Variants in NLGN4X observed in about 807,000 individuals in gnomAD.
NLGN4X encodes neuroligin 4 X-linked.
NLGN4X carries 3 observed loss-of-function variants against 40.3 expected under a neutral mutation model. That is an observed-to-expected ratio of 0.07 (90% CI 0.03 to 0.19). The LOEUF is 0.19. NLGN4X is among the 10% of genes least tolerant of loss of function. The pLI is 1.00. For missense variants in NLGN4X, 382 were observed against 708.3 expected (o/e 0.54, Z 5.23); for synonymous variants, 270 against 306.8 (o/e 0.88, Z 1.25).
At chrX:6,000,426 T>C (rs1254655447) in intron 3 of NLGN4X, among the ~76,000 whole-genome samples, 1 of 111,781 alleles carries the variant, frequency 8.9e-6, no homozygotes, top group East Asian at 2.8e-4. Context: ...ACTTAGTTTA[T>C]TTAATTCTCA....
At chrX:6,199,141 G>T (rs377083828) in intron 1 of NLGN4X, among the ~76,000 whole-genome samples, 1 of 111,616 alleles carries the variant, frequency 9.0e-6, no homozygotes, top group Non-Finnish European at 1.9e-5. Flanking sequence ...GGATATTTCC[G>T]GATGTGAATA....
chrX:6,028,172 C>T (rs2147215289), intron 3 of NLGN4X, among the ~76,000 whole-genome samples: 1 of 111,827 alleles, frequency 8.9e-6, no homozygotes, highest in African/African-American at 3.2e-5. Context: ...CCAATATACA[C>T]ATCTCTCTCA....
intron 2 of NLGN4X, among the ~76,000 whole-genome samples, chrX:6,137,952 G>A (rs2039856196): frequency 9.0e-6 from 1 of 111,315 alleles, no homozygotes; most frequent in Non-Finnish European, 1.9e-5. Context: ...TTCCCTCCTT[G>A]TAACACCTCA....
chrX:6,203,569 A>G (rs1189551699), intron 1 of NLGN4X, among the ~76,000 whole-genome samples: 1 of 112,230 alleles, frequency 8.9e-6, no homozygotes, highest in Non-Finnish European at 1.9e-5. Flanking sequence ...ACTCTCTTTC[A>G]GCCTCCCTCT....
chrX:6,204,742 T>C (rs765204242), intron 1 of NLGN4X, among the ~76,000 whole-genome samples: 160 of 111,596 alleles, frequency 1.4e-3, no homozygotes, highest in Admixed American at 3.1e-3. Flanking sequence ...TCCCAGCAAT[T>C]TGCCTTTAAC....
At chrX:6,114,895 C>T (rs1324435661) in intron 2 of NLGN4X, among the ~76,000 whole-genome samples, 1 of 111,691 alleles carries the variant, frequency 9.0e-6, no homozygotes, top group African/African-American at 3.3e-5. Flanking sequence ...TGTCACACAG[C>T]AGGTTCTGTC....
At position 6,017,469 on chromosome X, in the gene NLGN4X, G is replaced by A. The variant is rs192060582; in HGVS notation, c.625+11811C>T. The stretch of plus-strand genomic sequence containing the variant: ...GAAGGAAAAAGATACCTAGAGGTTC[G>A]CAATATATTGAACACAGGCATTTTG... On this transcript the variant is annotated intron_variant, in intron 3 of 5. Transcript: ENST00000381095. Among the ~76,000 whole-genome samples the A allele has an allele frequency of 4.5e-4, 50 of 111,684 alleles. 2 individuals carry two copies. The highest frequency in any genetic ancestry group is 4.5e-3 in the Admixed American group (47 of 10,520).
intron 2 of NLGN4X, among the ~76,000 whole-genome samples, chrX:6,034,997 G>C (rs766425981): frequency 8.9e-6 from 1 of 111,877 alleles, no homozygotes; most frequent in African/African-American, 3.2e-5. Flanking sequence ...ATGAGCCACT[G>C]CACCTGGCCT....
chrX:6,180,432 T>C (rs1921310643), intron 1 of NLGN4X, among the ~76,000 whole-genome samples: 1 of 110,934 alleles, frequency 9.0e-6, no homozygotes, highest in Non-Finnish European at 1.9e-5. Context: ...TCCGGCCATG[T>C]AAGAAAGCTC....
chrX:5,908,984 A>G, intron 4 of NLGN4X, 70 bp downstream of exon 4: 2 of 1,131,658 alleles, frequency 1.8e-6, no homozygotes, highest in Non-Finnish European at 2.4e-6. Context: ...TGCATCTGAG[A>G]TATGAACTCT....
intron 1 of NLGN4X, among the ~76,000 whole-genome samples, chrX:6,168,995 T>A (rs1173271878): frequency 8.9e-6 from 1 of 111,735 alleles, no homozygotes; most frequent in Non-Finnish European, 1.9e-5. Context: ...CCATAAAAGA[T>A]AAAGGAAAAT....
intron 2 of NLGN4X, among the ~76,000 whole-genome samples, chrX:6,110,643 C>T (rs1409528898): frequency 8.9e-6 from 1 of 111,749 alleles, no homozygotes; most frequent in African/African-American, 3.3e-5. Context: ...GTCCCTCTCA[C>T]TAGGAGGAGC....
chrX:5,990,210 C>T (rs2035645128), intron 3 of NLGN4X, among the ~76,000 whole-genome samples: 1 of 109,689 alleles, frequency 9.1e-6, no homozygotes, highest in African/African-American at 3.3e-5. Flanking sequence ...CTAAAAGCAA[C>T]TGAAAAACAT....
chrX:5,935,171 A>C (rs2033692933), intron 3 of NLGN4X, among the ~76,000 whole-genome samples: 1 of 112,348 alleles, frequency 8.9e-6, no homozygotes, highest in African/African-American at 3.2e-5. Context: ...ACTGAATATC[A>C]AGCTAAGTTT....
At chrX:5,911,653 T>TA (rs1276538098) in intron 3 of NLGN4X, among the ~76,000 whole-genome samples, 3 of 112,117 alleles carry the variant, frequency 2.7e-5, no homozygotes, top group Non-Finnish European at 5.6e-5. Flanking sequence ...CTTTTTAAAC[T>TA]ATCAACAAGG....
At chrX:6,067,745 T>G (rs1484136528) in intron 2 of NLGN4X, among the ~76,000 whole-genome samples, 1 of 111,039 alleles carries the variant, frequency 9.0e-6, no homozygotes, top group Non-Finnish European at 1.9e-5. Flanking sequence ...TGCAAACACT[T>G]AAAACAGATG....
chrX:6,162,858 C>G (rs1294430454), intron 1 of NLGN4X, among the ~76,000 whole-genome samples: 1 of 111,893 alleles, frequency 8.9e-6, no homozygotes. Flanking sequence ...ACACACCTTA[C>G]ATAAAGATAT....
At chrX:5,965,247 C>T (rs1406248249) in intron 3 of NLGN4X, among the ~76,000 whole-genome samples, 1 of 111,953 alleles carries the variant, frequency 8.9e-6, no homozygotes, top group South Asian at 3.7e-4. Context: ...AAGCATCAAA[C>T]GTTTCATCTG....
rs141033116 is a variant in NLGN4X, at chrX:6,127,663, A to G, written c.472+23332T>C. Among the ~76,000 whole-genome samples the G allele has an allele frequency of 2.0e-3, 219 of 112,201 alleles. 1 individual carries two copies. The highest frequency in any genetic ancestry group is 6.8e-3 in the African/African-American group (210 of 30,922). The stretch of plus-strand genomic sequence containing the variant: ...TCATGTGTCAAAGCAATGTTCCCCT[A>G]TTGGGGAAAAAAATAACATGAGATT... On this transcript the variant is annotated intron_variant, in intron 2 of 5. Coordinates refer to ENST00000381095, the MANE Select transcript of NLGN4X (RefSeq NM_181332.3).
Sources: allele counts gnomAD v4.1 joint callset (sites outside exome capture counted in the v4.1 genomes callset), GRCh38; gene constraint gnomAD v4.1.1; transcripts MANE v1.5; gene names NCBI Gene and HGNC (gene_info 2026-07-23, HGNC 2026-07-21).